ZC3H12B: variants seen among roughly 807,000 people sequenced by gnomAD.
The protein encoded by ZC3H12B is zinc finger CCCH-type containing 12B.
Under a neutral mutation model 43.9 loss-of-function variants are expected in ZC3H12B, and 7 were observed. The ratio of observed to expected loss-of-function variants is 0.16; its 90% confidence interval spans 0.09 to 0.30. ZC3H12B has a LOEUF of 0.30. Ranked by LOEUF, ZC3H12B falls within the 10% of genes least tolerant of loss-of-function variation. The pLI is 1.00. For missense variants in ZC3H12B, 475 were observed against 670.2 expected (o/e 0.71, Z 3.22); for synonymous variants, 222 against 241.7 (o/e 0.92, Z 0.76).
the ZC3H12B span, among the ~76,000 whole-genome samples, chrX:65,117,124 G>A: frequency 2.1e-4 from 24 of 111,864 alleles, no homozygotes; most frequent in Admixed American, 2.1e-3. Context: ...AGATCCTTGA[G>A]GAATTGCCAC....
At chrX:65,386,817 A>G (rs1159260639) in intron 2 of ZC3H12B, among the ~76,000 whole-genome samples, 73 of 110,551 alleles carry the variant, frequency 6.6e-4, no homozygotes, top group African/African-American at 1.9e-3. Flanking sequence ...ACTGCTTTGA[A>G]TGTGTCCCAG....
the ZC3H12B span, among the ~76,000 whole-genome samples, chrX:65,079,003 C>T: frequency 4.5e-5 from 5 of 111,690 alleles, no homozygotes; most frequent in Admixed American, 9.5e-5. Context: ...TAATCATCCC[C>T]AATTTCCCCA....
intron 3 of ZC3H12B, among the ~76,000 whole-genome samples, chrX:65,431,199 C>T (rs1379269705): frequency 2.7e-5 from 3 of 112,553 alleles, no homozygotes; most frequent in African/African-American, 9.7e-5. Context: ...TTAAGGCATT[C>T]TGTAAGTCCA....
chrX:65,330,738 C>T, the ZC3H12B span: 46 of 123,818 alleles, frequency 3.7e-4, no homozygotes, highest in Non-Finnish European at 6.6e-4. Flanking sequence ...ACAAGCCTTG[C>T]ATCCCAGGGA....
chrX:65,119,071 C>T, the ZC3H12B span, among the ~76,000 whole-genome samples: 1 of 111,002 alleles, frequency 9.0e-6, no homozygotes, highest in Non-Finnish European at 1.9e-5. Context: ...TGGGTTGGTT[C>T]CAAGTCTTTG....
At chrX:65,416,472 C>T (rs181048016) in intron 3 of ZC3H12B, among the ~76,000 whole-genome samples, 1 of 110,934 alleles carries the variant, frequency 9.0e-6, no homozygotes, top group Non-Finnish European at 1.9e-5. Context: ...TCAACATCAC[C>T]AAGACACTTA....
At chrX:65,211,957 A>C in the ZC3H12B span, among the ~76,000 whole-genome samples, 11 of 71,589 alleles carry the variant, frequency 1.5e-4, no homozygotes, top group Non-Finnish European at 1.9e-4. Context: ...TATATAATAT[A>C]TAATATATGT....
chrX:65,174,656 GGCCTTCTTAGCACTGTCAGGGGAAAACC>G, the ZC3H12B span, among the ~76,000 whole-genome samples: 1 of 111,863 alleles, frequency 8.9e-6, no homozygotes, highest in Admixed American at 9.5e-5. Flanking sequence ...TGAAGTTCCC[GGCCTTCTTAGCACTGTCAGGGGAAAACC>G]GCCTACTCTA....
the ZC3H12B span, among the ~76,000 whole-genome samples, chrX:65,157,545 G>T: frequency 9.0e-6 from 1 of 111,064 alleles, no homozygotes; most frequent in African/African-American, 3.3e-5. Flanking sequence ...TATTTACCTA[G>T]TACATTTTTC....
intron 3 of ZC3H12B, among the ~76,000 whole-genome samples, chrX:65,473,715 C>T (rs2067957001): frequency 8.9e-6 from 1 of 111,911 alleles, no homozygotes; most frequent in African/African-American, 3.2e-5. Context: ...CTTCCAGTAC[C>T]ATGTTGAGTA....
At position 65,450,735 on chromosome X, in the gene ZC3H12B, G is replaced by GTA. The variant is rs1193050749; in HGVS notation, n.408-37900_408-37899dup. 2.2e-4 allele frequency among the ~76,000 whole-genome samples: 7 copies of GTA among 31,188 alleles called. 1 individual carries two copies. Among genetic ancestry groups the GTA allele is most frequent in the African/African-American group, 1.7e-3 (2 of 1,168 alleles). The allele number at this position is 31,188 out of a possible 115,157, so 27.1% of individuals were successfully genotyped here. A position where few individuals can be genotyped will look rare whatever the true frequency, so the allele number is the denominator to read the frequency against. On this transcript the variant is annotated intron_variant and non_coding_transcript_variant, in intron 3 of 5. Coordinates refer to the ZC3H12B transcript ENST00000617377. ...TATATGTATACATATGTGTATATAT[G>GTA]TATATATATATACATATGTGTATAT...
the ZC3H12B span, chrX:65,331,026 A>G: frequency 8.9e-6 from 3 of 337,121 alleles, no homozygotes; most frequent in Admixed American, 6.1e-5. Flanking sequence ...CTGTTTCTGC[A>G]TATTGGTGTC....
the ZC3H12B span, among the ~76,000 whole-genome samples, chrX:65,250,259 A>C: frequency 1.8e-5 from 2 of 111,438 alleles, no homozygotes; most frequent in East Asian, 2.8e-4. Flanking sequence ...CTACAAAGGA[A>C]ATGAACTCAT....
the ZC3H12B span, among the ~76,000 whole-genome samples, chrX:65,225,099 C>T: frequency 2.9e-4 from 33 of 112,047 alleles, no homozygotes; most frequent in East Asian, 1.1e-3. Flanking sequence ...CCCTGACCCC[C>T]GAGCAGCCTA....
intron 3 of ZC3H12B, among the ~76,000 whole-genome samples, chrX:65,404,157 C>T (rs1176986890): frequency 9.0e-6 from 1 of 111,134 alleles, no homozygotes; most frequent in East Asian, 2.8e-4. Context: ...TTATGAAAAC[C>T]GGGTTGAGTA....
intron 3 of ZC3H12B, among the ~76,000 whole-genome samples, chrX:65,444,966 C>T (rs1415470488): frequency 8.9e-6 from 1 of 111,774 alleles, no homozygotes; most frequent in Non-Finnish European, 1.9e-5. Flanking sequence ...ATTCTTTTTT[C>T]CACTTTATCA....
At chrX:65,502,456 T>C (rs776136941) in exon 5 of ZC3H12B, 3 of 1,210,918 alleles carry the variant, frequency 2.5e-6, no homozygotes, top group Non-Finnish European at 3.4e-6. Flanking sequence ...CTGACAGCCG[T>C]GTGAGCCATA....
chrX:65,246,731 C>T, the ZC3H12B span, among the ~76,000 whole-genome samples: 1 of 112,189 alleles, frequency 8.9e-6, no homozygotes, highest in East Asian at 2.8e-4. Flanking sequence ...GAACCCCTTC[C>T]TTACACCATA....
chrX:65,456,611 G>A (rs1372950937), intron 3 of ZC3H12B, among the ~76,000 whole-genome samples: 34 of 98,793 alleles, frequency 3.4e-4, no homozygotes, highest in African/African-American at 1.2e-3. Flanking sequence ...ACTGGTTTTC[G>A]TTTTTTTTTT....
Sources: allele counts gnomAD v4.1 joint callset (sites outside exome capture counted in the v4.1 genomes callset), GRCh38; gene constraint gnomAD v4.1.1; transcripts MANE v1.5; gene names NCBI Gene and HGNC (gene_info 2026-07-23, HGNC 2026-07-21).